Variants in LMNTD2 observed in about 807,000 individuals in gnomAD.
LMNTD2 encodes the protein lamin tail domain containing 2.
A neutral mutation model predicts 70.1 loss-of-function variants in LMNTD2; 83 were observed. That is an observed-to-expected ratio of 1.18 (90% CI 0.99 to 1.42). LMNTD2 has a LOEUF of 1.42. LMNTD2 is among the 40% of genes most tolerant of loss of function. LMNTD2 has a pLI of 0.00. For synonymous variants in LMNTD2, 534 were observed against 406.1 expected (o/e 1.31, Z -3.79); for missense variants, 1,153 against 905.9 (o/e 1.27, Z -3.50).
At chr11:557,268 G>A (rs1424483391) in intron 7 of LMNTD2, 131 bp downstream of exon 7, 2 of 1,362,536 alleles carry the variant, frequency 1.5e-6, no homozygotes, top group Admixed American at 2.1e-5. Context: ...CTACAGATCA[G>A]AGAACGCGCA....
intron 3 of LMNTD2, 125 bp downstream of exon 3, chr11:558,489 G>C: frequency 4.7e-6 from 6 of 1,267,062 alleles, no homozygotes; most frequent in Non-Finnish European, 6.4e-6. Flanking sequence ...CAGGGTGGAG[G>C]GTCAGCGCGG....
chr11:558,246 C>T lies in LMNTD2; in HGVS notation c.314G>A (p.Ser105Asn). 1 of 1,613,346 alleles carries T rather than the reference C, an allele frequency of 6.2e-7. No homozygotes were observed. The highest frequency in any genetic ancestry group is 1.1e-5 in the South Asian group (1 of 91,074). Residue 105 changes from serine (S) to asparagine (N), a missense_variant and splice_region_variant, in exon 4 of 14, where the codon AGC (serine) becomes AAC (asparagine). Coordinates refer to ENST00000329451, the MANE Select transcript of LMNTD2 (RefSeq NM_173573.3). Reference protein sequence around the residue: ...EEVAGLPPKRSSHSQEKLLQN... With the variant: ...EEVAGLPPKRNSHSQEKLLQN... ...CAGGAGTTTCTCCTGACTGTGGGAG[C>T]TCCTGGAGGAGGGGTGACCTCAGCA...
chr11:555,054 T>C lies in LMNTD2; in HGVS notation c.1831A>G (p.Thr611Ala). ...CPLVALSVQN[T>A]AESRFGFRFL... is the part of the protein sequence containing the mutation. ...CGGAAGCCGAATCTGCTCTCCGCCG[T>C]GTTCTGCACCGACAGGGCCACCAGG... is the stretch of plus-strand genomic sequence containing the variant. Residue 611 changes from threonine to alanine, a missense_variant, in exon 14 of 14, where the codon ACG (threonine) becomes GCG (alanine). Transcript: ENST00000329451. 1.3e-6 allele frequency: 2 copies of C among 1,587,320 alleles called. No individual in the cohort carries two copies. The highest frequency in any genetic ancestry group is 1.7e-6 in the Non-Finnish European group (2 of 1,170,254).
In LMNTD2 at chr11:557,647, G is replaced by A. The variant is rs774014340; in HGVS notation, c.556-7C>T. On this transcript the variant is annotated splice_region_variant and splice_polypyrimidine_tract_variant and intron_variant, in intron 5 of 13. Coordinates refer to ENST00000329451, the MANE Select transcript of LMNTD2 (RefSeq NM_173573.3). Reference sequence around the variant, plus strand: ...GAGTCTCTGCCGTCACTACCTGCAAGAGGGGACCGGAAGCCAGTGGGCAGG... The same window carrying A: ...GAGTCTCTGCCGTCACTACCTGCAAAAGGGGACCGGAAGCCAGTGGGCAGG... 3.1e-6 allele frequency: 5 copies of A among 1,613,080 alleles called. No individual in the cohort carries two copies. In the Admixed American group the frequency reaches 5.0e-5, roughly 16 times the overall value.
In LMNTD2 at chr11:558,031, CTCCTTCTCCT is replaced by C. The variant is rs1853011656; in HGVS notation, c.400-2_407del. Reference sequence around the variant, plus strand: ...TCTGCAGCAGCCGCTCCTCCAGGTGCTCCTTCTCCTGCTCCGAGAGGGCCTGTGGTTGGTG... The same window carrying C: ...TCTGCAGCAGCCGCTCCTCCAGGTGCGCTCCGAGAGGGCCTGTGGTTGGTG... On this transcript the variant is annotated splice_acceptor_variant and coding_sequence_variant, in exon 5 of 14. Coordinates refer to ENST00000329451, the MANE Select transcript of LMNTD2 (RefSeq NM_173573.3). LOFTEE classifies it high-confidence loss of function. The C allele has an allele frequency of 6.3e-7, 1 of 1,578,642 alleles. No individual in the cohort carries two copies. The highest frequency in any genetic ancestry group is 2.2e-5 in the East Asian group (1 of 44,508).
At chr11:558,563 CCGGGCGAGGA>C in intron 3 of LMNTD2, 41 bp downstream of exon 3, 1 of 1,551,280 alleles carries the variant, frequency 6.4e-7, no homozygotes, top group South Asian at 1.2e-5. Context: ...AACCAGGAGT[CCGGGCGAGGA>C]CAGGGCGGGG....
rs200486753 is a variant in LMNTD2 at position 557,950 on chromosome 11, G to A, written c.489C>T (p.Cys163=). ...ACGAGGAGCGGGCCAGCTGCAGGAG[G>A]CAGGACTTCTGCAAGTTCTGCAGCT... ...EAELQNLQKS[C]LLQLARSSWV... is the part of the protein sequence containing the mutation. Residue 163 remains cysteine (C), a synonymous_variant, in exon 5 of 14, where the codon TGC becomes TGT. Transcript: ENST00000329451. 24 of 1,599,472 alleles carry A rather than the reference G, an allele frequency of 1.5e-5. No homozygotes were observed. Among genetic ancestry groups the A allele is most frequent in the Non-Finnish European group, 2.0e-5 (23 of 1,172,258 alleles).
intron 3 of LMNTD2, 133 bp downstream of exon 3, chr11:558,481 G>T: frequency 8.2e-7 from 1 of 1,225,806 alleles, no homozygotes; most frequent in Non-Finnish European, 1.1e-6. Flanking sequence ...CTTAGGATCA[G>T]GGTGGAGGGT....
At chr11:557,237 C>T in intron 7 of LMNTD2, 140 bp from the exon 8 acceptor site, 1 of 1,389,044 alleles carries the variant, frequency 7.2e-7, no homozygotes, top group Non-Finnish European at 9.7e-7. Context: ...ACAGTGATGG[C>T]TGCCTCAACC....
chr11:560,469 C>A, intron 1 of LMNTD2: 1 of 1,256,174 alleles, frequency 8.0e-7, no homozygotes. Flanking sequence ...GGACTGGTGA[C>A]CCTGCGACCC....
At chr11:556,777 GCT>G in intron 8 of LMNTD2, 56 bp downstream of exon 8, 8 of 1,487,712 alleles carry the variant, frequency 5.4e-6, no homozygotes, top group Non-Finnish European at 7.2e-6. Flanking sequence ...TGAGATCACA[GCT>G]CTGAGGGGGT....
chr11:560,283 G>C (rs1206620384), intron 1 of LMNTD2: 1 of 1,031,944 alleles, frequency 9.7e-7, no homozygotes, highest in Non-Finnish European at 1.2e-6. Flanking sequence ...GTAGGGTAGG[G>C]GGTGAAGGAG....
chr11:560,527 G>A (rs1853208280), intron 1 of LMNTD2, 156 bp downstream of exon 1: 2 of 1,277,502 alleles, frequency 1.6e-6, no homozygotes, highest in Admixed American at 4.2e-5. Flanking sequence ...AGGCCCCAAA[G>A]GCTGGCCCGG....
rs1852761014 is a variant in LMNTD2 at position 555,232 on chromosome 11, A to AGGGAGGGGC, written c.1773+64_1773+72dup. ...GGGAGGGGACGAGGAGACAGAGGGGAGGGAGGGGCGGGAGAGGAGAGGAGG... is the reference window on the plus strand; with the variant it reads ...GGGAGGGGACGAGGAGACAGAGGGGAGGGAGGGGCGGGAGGGGCGGGAGAGGAGAGGAGG... On this transcript the variant is annotated intron_variant, in intron 13 of 13. Transcript: ENST00000329451. 4 of 516,192 alleles carry AGGGAGGGGC rather than the reference A, an allele frequency of 7.7e-6. No homozygotes were observed. The African/African-American group carries it at 2.6e-4, about 34-fold the overall frequency. The allele number at this position is 516,192 out of a possible 1,614,324, so 32.0% of individuals were successfully genotyped here.
chr11:558,060 G>T, intron 4 of LMNTD2, 21 bp from the exon 5 acceptor site: 1 of 1,586,258 alleles, frequency 6.3e-7, no homozygotes. Context: ...AGGGCCTGTG[G>T]TTGGTGGTGG....
rs757949270 is a variant in LMNTD2 at position 556,407 on chromosome 11, C to G, written c.1074-32G>C. On this transcript the variant is annotated intron_variant, in intron 9 of 13. Coordinates refer to ENST00000329451, the MANE Select transcript of LMNTD2 (RefSeq NM_173573.3). The stretch of plus-strand genomic sequence containing the variant: ...AGAGAGGAGACGCTGTGAGGAGATG[C>G]GGCCGGTCCACCCGCACAGCTGCGC... The G allele has an allele frequency of 7.8e-6, 12 of 1,539,698 alleles. No individual in the cohort carries two copies. In the East Asian group the frequency reaches 1.5e-4, roughly 19 times the overall value.
intron 10 of LMNTD2, 31 bp from the exon 11 acceptor site, chr11:556,146 C>T: frequency 1.5e-6 from 2 of 1,320,392 alleles, no homozygotes; most frequent in Non-Finnish European, 1.9e-6. Flanking sequence ...GGGTGAGGGG[C>T]GGCCGGGCCG....
chr11:558,526 C>T (rs2134105137), intron 3 of LMNTD2, 88 bp downstream of exon 3: 2 of 1,468,572 alleles, frequency 1.4e-6, no homozygotes, highest in East Asian at 4.8e-5. Flanking sequence ...GGATCTGCCT[C>T]AGCGGTTGGG....
In LMNTD2 at chr11:555,471, C is replaced by T. The variant is rs1398401782; in HGVS notation, c.1607G>A (p.Gly536Glu). Reference sequence around the variant, plus strand: ...CCCCTCCCGCGCGTGGAAGAGCTTCCCCGAGCTCACTGGGGGCAGCAGGCC... The same window carrying T: ...CCCCTCCCGCGCGTGGAAGAGCTTCTCCGAGCTCACTGGGGGCAGCAGGCC... ...TRGLLPPVSSGKLFHAREGPA... is the reference protein window; with the variant it reads ...TRGLLPPVSSEKLFHAREGPA... The change falls in exon 13 of 14, where the codon GGG (glycine) becomes GAG (glutamate). Residue 536 changes from glycine to glutamate, a missense_variant. Physicochemically the swap from Gly to Glu is moderately conservative, Grantham distance 98. Coordinates refer to ENST00000329451, the MANE Select transcript of LMNTD2 (RefSeq NM_173573.3). 1.5e-6 allele frequency: 2 copies of T among 1,377,866 alleles called. No homozygotes were observed. Among genetic ancestry groups the T allele is most frequent in the Non-Finnish European group, 1.9e-6 (2 of 1,072,428 alleles). The allele number at this position is 1,377,866 out of a possible 1,614,324, so 85.4% of individuals were successfully genotyped here. A position where few individuals can be genotyped will look rare whatever the true frequency, so the allele number is the denominator to read the frequency against.
Sources: allele counts gnomAD v4.1 joint callset, GRCh38; gene constraint gnomAD v4.1.1; transcripts MANE v1.5; gene names NCBI Gene and HGNC (gene_info 2026-07-23, HGNC 2026-07-21).